SLC4A10: variants seen among roughly 807,000 people sequenced by gnomAD.
The protein encoded by SLC4A10 is sodium-driven chloride bicarbonate exchanger.
Under a neutral mutation model 137.7 loss-of-function variants are expected in SLC4A10, and 42 were observed. That is an observed-to-expected ratio of 0.30 (90% CI 0.24 to 0.39). The LOEUF is 0.39. Ranked by LOEUF, SLC4A10 falls within the 10% of genes least tolerant of loss-of-function variation. The probability of loss-of-function intolerance (pLI) is 1.00; values close to 1 mark genes in which losing one functional copy is unlikely to be tolerated. For synonymous variants in SLC4A10, 474 were observed against 464.1 expected, an observed-to-expected ratio of 1.02 and a Z score of -0.27; for missense variants, 925 against 1,355.0, an observed-to-expected ratio of 0.68 and a Z score of 4.98.
intron 14 of SLC4A10, 51 bp downstream of exon 14, chr2:161,904,960 GTATT>G: frequency 6.4e-6 from 10 of 1,571,418 alleles, no homozygotes; most frequent in Non-Finnish European, 7.8e-6. Context: ...TTTCTTTACT[GTATT>G]TATACTTCTC....
intron 1 of SLC4A10, among the ~76,000 whole-genome samples, chr2:161,637,577 T>C (rs374320654): frequency 6.6e-6 from 1 of 152,172 alleles, no homozygotes; most frequent in Non-Finnish European, 1.5e-5. Flanking sequence ...ATACTGTGAA[T>C]AGTGTTGGTG....
intron 15 of SLC4A10, among the ~76,000 whole-genome samples, chr2:161,930,314 C>A (rs1386278091): frequency 6.6e-6 from 1 of 151,976 alleles, no homozygotes; most frequent in African/African-American, 2.4e-5. Flanking sequence ...ACAAAAATCT[C>A]TCCTACCACT....
chr2:161,919,715 A>G (rs1158927648), intron 15 of SLC4A10, among the ~76,000 whole-genome samples: 1 of 152,198 alleles, frequency 6.6e-6, no homozygotes, highest in East Asian at 1.9e-4. Context: ...GATGTAGGAC[A>G]AGAACTTGGG....
intron 1 of SLC4A10, among the ~76,000 whole-genome samples, chr2:161,718,237 A>T (rs978008748): frequency 2.6e-5 from 4 of 152,104 alleles, no homozygotes; most frequent in Admixed American, 2.6e-4. Flanking sequence ...ATTTTTTAAA[A>T]AAATCACCTC....
intron 8 of SLC4A10, among the ~76,000 whole-genome samples, chr2:161,878,550 T>A (rs2061570166): frequency 6.6e-6 from 1 of 152,066 alleles, no homozygotes; most frequent in African/African-American, 2.4e-5. Flanking sequence ...TTTTTTCTTA[T>A]TTTTTTCTAC....
At chr2:161,723,222 T>C (rs1005519141) in intron 1 of SLC4A10, among the ~76,000 whole-genome samples, 3 of 152,092 alleles carry the variant, frequency 2.0e-5, no homozygotes, top group Admixed American at 6.5e-5. Context: ...GTTTCACAGA[T>C]CCATGGGAAA....
chr2:161,834,660 TAC>T (rs72327926), intron 3 of SLC4A10, among the ~76,000 whole-genome samples: 5,379 of 140,928 alleles, frequency 0.038, 125 homozygotes, highest in African/African-American at 0.07. Flanking sequence ...CTTTATCGCC[TAC>T]ACACACACAC....
chr2:161,902,874 A>G (rs1041052971), intron 12 of SLC4A10, among the ~76,000 whole-genome samples: 1 of 152,154 alleles, frequency 6.6e-6, no homozygotes, highest in South Asian at 2.1e-4. Context: ...CCTATGCATA[A>G]AATAAATAAG....
chr2:161,872,190 T>G, intron 6 of SLC4A10, 103 bp from the exon 7 acceptor site: 1 of 677,460 alleles, frequency 1.5e-6, no homozygotes. Context: ...ATAAATTTAT[T>G]AAGAAACCTG....
At chr2:161,645,854 G>C (rs1217399931) in intron 1 of SLC4A10, among the ~76,000 whole-genome samples, 1 of 151,822 alleles carries the variant, frequency 6.6e-6, no homozygotes, top group South Asian at 2.1e-4. Context: ...CTTAATTCTT[G>C]TTCACTTTTG....
intron 1 of SLC4A10, among the ~76,000 whole-genome samples, chr2:161,697,581 G>A (rs914544233): frequency 1.3e-5 from 2 of 152,234 alleles, no homozygotes; most frequent in East Asian, 1.9e-4. Flanking sequence ...CCCATTTCTT[G>A]TTTTTGTCAG....
At chr2:161,897,706 A>C (rs987810728) in intron 11 of SLC4A10, among the ~76,000 whole-genome samples, 2 of 152,108 alleles carry the variant, frequency 1.3e-5, no homozygotes, top group African/African-American at 4.8e-5. Flanking sequence ...AAGTTGCCTA[A>C]TAATTAATTG....
chr2:161,700,939 C>A (rs985141461), intron 1 of SLC4A10, among the ~76,000 whole-genome samples: 1 of 152,024 alleles, frequency 6.6e-6, no homozygotes, highest in East Asian at 1.9e-4. Flanking sequence ...ACAGTTTTTT[C>A]TTTTTTTGAT....
intron 15 of SLC4A10, among the ~76,000 whole-genome samples, chr2:161,939,854 A>G (rs985766277): frequency 4.6e-5 from 7 of 152,166 alleles, no homozygotes; most frequent in African/African-American, 1.7e-4. Context: ...TCTTTATGTA[A>G]TTATAACTGT....
intron 15 of SLC4A10, among the ~76,000 whole-genome samples, chr2:161,932,263 C>T (rs1445344379): frequency 6.6e-6 from 1 of 152,114 alleles, no homozygotes; most frequent in Non-Finnish European, 1.5e-5. Flanking sequence ...ACCTATGATC[C>T]TTGCTTGTTC....
At chr2:161,829,598 A>G (rs2125730347) in intron 3 of SLC4A10, among the ~76,000 whole-genome samples, 1 of 152,258 alleles carries the variant, frequency 6.6e-6, no homozygotes, top group African/African-American at 2.4e-5. Flanking sequence ...TGTTTTTTAT[A>G]CTATTTGCAG....
intron 21 of SLC4A10, among the ~76,000 whole-genome samples, chr2:161,963,154 T>C (rs1301402285): frequency 2.0e-5 from 3 of 152,104 alleles, no homozygotes; most frequent in Admixed American, 2.0e-4. Context: ...TATGATTTGT[T>C]AGTAAATAAA....
At chr2:161,760,199 A>G (rs2125353843) in intron 1 of SLC4A10, among the ~76,000 whole-genome samples, 1 of 152,006 alleles carries the variant, frequency 6.6e-6, no homozygotes, top group East Asian at 1.9e-4. Flanking sequence ...TCAGTTTCTC[A>G]TGTTAACCTC....
At chr2:161,945,595 T>C (rs150121200) in intron 16 of SLC4A10, among the ~76,000 whole-genome samples, 41 of 151,858 alleles carry the variant, frequency 2.7e-4, no homozygotes, top group African/African-American at 9.9e-4. Flanking sequence ...TGTGTGTATG[T>C]GTGCATGTAT....
Sources: gnomAD v4.1 joint callset for allele counts (sites outside exome capture counted in the v4.1 genomes callset) on GRCh38, gnomAD v4.1.1 for gene constraint, MANE v1.5 for transcripts, NCBI Gene and HGNC (gene_info 2026-07-23, HGNC 2026-07-21) for gene names.